TEKT5: variants seen among roughly 807,000 people sequenced by gnomAD.
TEKT5 encodes tektin-5.
In TEKT5, 52 loss-of-function variants were observed where a neutral mutation model predicts 48.7. The ratio of observed to expected loss-of-function variants is 1.07; its 90% CI spans 0.86 to 1.35. The LOEUF (loss-of-function observed/expected upper bound fraction) is 1.35, where lower values mean the gene tolerates loss of function less well. TEKT5 is among the 40% of genes most tolerant of loss of function. The pLI is 0.00. For synonymous variants in TEKT5, 318 were observed against 267.6 expected (o/e 1.19, Z -1.84); for missense variants, 831 against 641.6 (o/e 1.30, Z -3.19).
chr16:10,693,181 C>T (rs1254421661), intron 1 of TEKT5, among the ~76,000 whole-genome samples: 1 of 152,132 alleles, frequency 6.6e-6, no homozygotes, highest in Non-Finnish European at 1.5e-5. Context: ...CTGCAACCTC[C>T]GCCTCCTGGG....
chr16:10,631,358 C>CGGGGG (rs113859011), intron 6 of TEKT5, among the ~76,000 whole-genome samples: 29 of 25,458 alleles, frequency 1.1e-3, no homozygotes, highest in African/African-American at 3.1e-3. Context: ...GGGGTGGGGG[C>CGGGGG]GGGGGAGGGT....
intron 6 of TEKT5, among the ~76,000 whole-genome samples, chr16:10,634,138 G>A (rs918828728): frequency 3.3e-5 from 5 of 152,152 alleles, no homozygotes; most frequent in Non-Finnish European, 7.3e-5. Context: ...GTGTGACTGG[G>A]ACAGCTTTTT....
chr16:10,674,787 C>T (rs367823007), intron 5 of TEKT5, among the ~76,000 whole-genome samples: 5 of 151,786 alleles, frequency 3.3e-5, no homozygotes, highest in African/African-American at 9.7e-5. Context: ...ACTAATCCCC[C>T]CAAAGATAGA....
At chr16:10,628,436 C>T (rs746830075) in intron 6 of TEKT5, among the ~76,000 whole-genome samples, 5 of 152,096 alleles carry the variant, frequency 3.3e-5, no homozygotes, top group Admixed American at 6.6e-5. Flanking sequence ...GGTATATACC[C>T]AAAAGAACAG....
At chr16:10,657,908 C>T (rs1165607142) in intron 5 of TEKT5, among the ~76,000 whole-genome samples, 1 of 152,042 alleles carries the variant, frequency 6.6e-6, no homozygotes, top group Non-Finnish European at 1.5e-5. Flanking sequence ...CCTCCCCTTT[C>T]AATTTTTTCC....
At chr16:10,684,352 G>C (rs1269683262) in intron 3 of TEKT5, among the ~76,000 whole-genome samples, 1 of 149,578 alleles carries the variant, frequency 6.7e-6, no homozygotes, top group Non-Finnish European at 1.5e-5. Flanking sequence ...CTCTGTCTGA[G>C]CCTCTGTGTG....
At chr16:10,643,940 G>C (rs1295224450) in intron 5 of TEKT5, among the ~76,000 whole-genome samples, 1 of 152,114 alleles carries the variant, frequency 6.6e-6, no homozygotes, top group Non-Finnish European at 1.5e-5. Context: ...TACGCGGGAG[G>C]CTGAGGCAGG....
intron 6 of TEKT5, among the ~76,000 whole-genome samples, chr16:10,628,529 A>G (rs961563265): frequency 1.3e-5 from 2 of 152,210 alleles, no homozygotes; most frequent in Admixed American, 6.5e-5. Flanking sequence ...AAGCAGCTCA[A>G]ATGTCTGTGG....
intron 5 of TEKT5, among the ~76,000 whole-genome samples, chr16:10,652,449 C>A (rs1898174278): frequency 2.7e-5 from 3 of 110,024 alleles, no homozygotes; most frequent in Non-Finnish European, 3.7e-5. Context: ...TATACACAGG[C>A]AAACACACAC....
chr16:10,656,221 C>G (rs1898259435), intron 5 of TEKT5, among the ~76,000 whole-genome samples: 1 of 152,082 alleles, frequency 6.6e-6, no homozygotes, highest in Admixed American at 6.6e-5. Flanking sequence ...GAAAAAATTG[C>G]CCCAGGTTGA....
intron 4 of TEKT5, among the ~76,000 whole-genome samples, chr16:10,676,561 G>A (rs185502981): frequency 4.6e-5 from 7 of 152,218 alleles, no homozygotes; most frequent in Admixed American, 2.0e-4. Flanking sequence ...AGGGGCTCCC[G>A]CAGAGAGCTC....
chr16:10,630,220 C>T (rs1213590248), intron 6 of TEKT5, among the ~76,000 whole-genome samples: 2 of 151,918 alleles, frequency 1.3e-5, no homozygotes, highest in African/African-American at 4.8e-5. Context: ...AGGCATGAGC[C>T]ACCGCACCCA....
rs550522135 is a variant in TEKT5 at position 10,633,259 on chromosome 16, G to A, written c.1241+2505C>T. On this transcript the variant is annotated intron_variant, in intron 6 of 6. Coordinates refer to ENST00000283025, the MANE Select transcript of TEKT5 (RefSeq NM_144674.2). ...GAGTGTAATCCCAGCTACTCGGGAG[G>A]CTGAGGCAGGAGAATCTCTTGAACC... Among the ~76,000 whole-genome samples, 638 of 152,260 alleles carry A rather than the reference G, an allele frequency of 4.2e-3. 10 individuals carry two copies. The highest frequency in any genetic ancestry group is 0.024 in the Middle Eastern group (7 of 294).
intron 5 of TEKT5, among the ~76,000 whole-genome samples, chr16:10,652,451 AACACACACACAC>A (rs572277672): frequency 3.4e-4 from 23 of 66,766 alleles, no homozygotes; most frequent in South Asian, 2.0e-3. Context: ...TACACAGGCA[AACACACACACAC>A]ACACACACAC....
At chr16:10,676,206 C>G in intron 4 of TEKT5, 25 bp from the exon 5 acceptor site, 2 of 1,611,986 alleles carry the variant, frequency 1.2e-6, no homozygotes, top group Non-Finnish European at 1.7e-6. Flanking sequence ...GGGTGAGTTG[C>G]AGCAGTCCTG....
intron 5 of TEKT5, among the ~76,000 whole-genome samples, chr16:10,640,790 T>C (rs1897983974): frequency 6.6e-6 from 1 of 152,222 alleles, no homozygotes; most frequent in African/African-American, 2.4e-5. Context: ...GAATTATTCA[T>C]GTTGTTGTGT....
intron 5 of TEKT5, among the ~76,000 whole-genome samples, chr16:10,642,590 C>A (rs1406473588): frequency 2.0e-5 from 3 of 152,180 alleles, no homozygotes; most frequent in African/African-American, 7.2e-5. Flanking sequence ...TGGGAACTAT[C>A]TTTCTGATGG....
chr16:10,681,811 T>C (rs971137749), intron 4 of TEKT5, among the ~76,000 whole-genome samples, 182 bp downstream of exon 4: 3 of 152,020 alleles, frequency 2.0e-5, no homozygotes, highest in Non-Finnish European at 4.4e-5. Context: ...CTCCGGTAAA[T>C]TCCATCTTGT....
At chr16:10,655,182 C>T (rs960071331) in intron 5 of TEKT5, among the ~76,000 whole-genome samples, 21 of 152,132 alleles carry the variant, frequency 1.4e-4, no homozygotes, top group African/African-American at 5.1e-4. Context: ...CATACACACA[C>T]ATGCTGAACG....
Sources: gnomAD v4.1 joint callset for allele counts (sites outside exome capture counted in the v4.1 genomes callset) on GRCh38, gnomAD v4.1.1 for gene constraint, MANE v1.5 for transcripts, NCBI Gene and HGNC (gene_info 2026-07-23, HGNC 2026-07-21) for gene names.